LIX1L: variants seen among roughly 807,000 people sequenced by gnomAD.
LIX1L encodes the protein limb and CNS expressed 1 like.
LIX1L carries 20 observed loss-of-function variants against 34.0 expected under a neutral mutation model. The ratio of observed to expected loss-of-function variants is 0.59; its 90% CI spans 0.41 to 0.85. The LOEUF is 0.85. LIX1L is among the 40% of genes least tolerant of loss of function. LIX1L has a pLI of 0.00. For synonymous variants in LIX1L, 170 were observed against 187.4 expected, an observed-to-expected ratio of 0.91 and a Z score of 0.76; for missense variants, 397 against 447.0, an observed-to-expected ratio of 0.89 and a Z score of 1.01.
At position 145,937,593 on chromosome 1, in the gene LIX1L, T is replaced by C. The variant is rs976387713; in HGVS notation, c.693+11A>G. On this transcript the variant is annotated intron_variant, in intron 4 of 5. Coordinates refer to ENST00000604000, the MANE Select transcript of LIX1L (RefSeq NM_153713.3). Reference sequence around the variant, plus strand: ...ATGTTATTAGAACCAGGGAAGTACATGGGAAAGTACCTGGAACTCCAACAT... The same window carrying C: ...ATGTTATTAGAACCAGGGAAGTACACGGGAAAGTACCTGGAACTCCAACAT... 2.5e-6 allele frequency: 4 copies of C among 1,583,052 alleles called. No individual in the cohort carries two copies. Among genetic ancestry groups the C allele is most frequent in the Non-Finnish European group, 2.6e-6 (3 of 1,152,634 alleles).
rs1416381514 is a variant in LIX1L, at chr1:145,935,075, G to A, written c.*1235C>T. 5.3e-5 allele frequency: 8 copies of A among 150,928 alleles called. No individual in the cohort carries two copies. The highest frequency in any genetic ancestry group is 2.0e-4 in the African/African-American group (8 of 40,858). The allele number at this position is 150,928 out of a possible 1,614,324, so 9.3% of individuals were successfully genotyped here. A position where few individuals can be genotyped will look rare whatever the true frequency, so the allele number is the denominator to read the frequency against. ...CCAGCTACTCGGGAAGCTGAGGCAAGAGAATCGCTTGAACCCTGGAGGCAG... is the reference window on the plus strand; with the variant it reads ...CCAGCTACTCGGGAAGCTGAGGCAAAAGAATCGCTTGAACCCTGGAGGCAG... On this transcript the variant is annotated 3_prime_UTR_variant, in exon 6 of 6. Transcript: ENST00000604000.
At chr1:145,950,729 A>G in intron 1 of LIX1L, among the ~76,000 whole-genome samples, 2 of 152,316 alleles carry the variant, frequency 1.3e-5, no homozygotes, top group Admixed American at 1.3e-4. Context: ...AAGGAATCCC[A>G]TATCTCACCA....
intron 5 of LIX1L, 47 bp downstream of exon 5, chr1:145,936,861 G>A (rs1553757884): frequency 7.9e-7 from 1 of 1,266,856 alleles, no homozygotes. Context: ...AGAGTCCACT[G>A]ACAGATTGTG....
intron 1 of LIX1L, among the ~76,000 whole-genome samples, chr1:145,955,205 C>T (rs1274376475): frequency 3.9e-5 from 6 of 152,134 alleles, no homozygotes; most frequent in Admixed American, 1.3e-4. Flanking sequence ...ATTACAAATC[C>T]CATGCACTAC....
At chr1:145,937,171 T>G (rs11804367) in intron 4 of LIX1L, among the ~76,000 whole-genome samples, 186 bp from the exon 5 acceptor site, 1 of 81,124 alleles carries the variant, frequency 1.2e-5, no homozygotes, top group Admixed American at 1.3e-4. Context: ...TATTTATTTA[T>G]TTACTTACTT....
chr1:145,941,445 G>A (rs948655567), intron 3 of LIX1L, among the ~76,000 whole-genome samples: 2 of 151,876 alleles, frequency 1.3e-5, no homozygotes, highest in Non-Finnish European at 2.9e-5. Flanking sequence ...TAGAGATGGG[G>A]TTTTGCCATG....
At chr1:145,944,292 A>G (rs137880678) in intron 2 of LIX1L, among the ~76,000 whole-genome samples, 149 of 152,182 alleles carry the variant, frequency 9.8e-4, no homozygotes, top group Non-Finnish European at 1.8e-3. Flanking sequence ...CCTAGGAGTC[A>G]AGGGTGCAGT....
chr1:145,948,198 C>T lies in LIX1L; in HGVS notation c.293-416G>A, dbSNP rs1553759453. Among the ~76,000 whole-genome samples the T allele has an allele frequency of 6.6e-6, 1 of 152,174 alleles. No homozygotes were observed. The highest frequency in any genetic ancestry group is 2.4e-5 in the African/African-American group (1 of 41,436). ...TTAGCTGGCCCAGGATGATAATAAC[C>T]ACCACAATAAGTGCTAACATGTATT... On this transcript the variant is annotated intron_variant, in intron 1 of 5. Coordinates refer to ENST00000604000, the MANE Select transcript of LIX1L (RefSeq NM_153713.3). The surrounding 1 kb of genome is among the most constrained non-coding windows in gnomAD (Gnocchi z 4.0).
chr1:145,938,998 T>G (rs1648775680), intron 3 of LIX1L, among the ~76,000 whole-genome samples: 1 of 151,464 alleles, frequency 6.6e-6, no homozygotes, highest in Non-Finnish European at 1.5e-5. Context: ...TTTTTTTTTT[T>G]GAGACTGTGT....
At chr1:145,942,666 G>C in intron 3 of LIX1L, 47 bp downstream of exon 3, 1 of 1,590,958 alleles carries the variant, frequency 6.3e-7, no homozygotes, top group Non-Finnish European at 8.6e-7. Flanking sequence ...CAAGCAGCCA[G>C]TTCTCCCATC....
intron 3 of LIX1L, among the ~76,000 whole-genome samples, chr1:145,940,218 C>T (rs768088754): frequency 6.6e-6 from 1 of 151,136 alleles, no homozygotes; most frequent in Non-Finnish European, 1.5e-5. Context: ...CGCCCAACTC[C>T]GCCTCCTAAA....
intron 2 of LIX1L, 98 bp from the exon 3 acceptor site, chr1:145,942,951 A>T: frequency 8.5e-7 from 1 of 1,182,340 alleles, no homozygotes; most frequent in Non-Finnish European, 1.2e-6. Context: ...AAACACTTGG[A>T]CGCTCTTTGG....
At chr1:145,942,296 T>A (rs1337501190) in intron 3 of LIX1L, 1 of 155,648 alleles carries the variant, frequency 6.4e-6, no homozygotes, top group Non-Finnish European at 1.4e-5. Flanking sequence ...GTCTTCTTTA[T>A]CAATAAGATG....
chr1:145,936,295 TA>T lies in LIX1L; in HGVS notation c.*14del. 6.2e-7 allele frequency: 1 copy of T among 1,613,076 alleles called. No homozygotes were observed. The highest frequency in any genetic ancestry group is 8.5e-7 in the Non-Finnish European group (1 of 1,179,116). ...AAAGGCTGTGGAAAGCCTGGGGAGT[TA>T]TGTGGGTGGATGCCTAGCAGTTGGA... is the stretch of plus-strand genomic sequence containing the variant. On this transcript the variant is annotated 3_prime_UTR_variant, in exon 6 of 6. Transcript: ENST00000604000.
rs1159565491 is a variant in LIX1L, at chr1:145,940,542, TTTTC to T, written c.597+2167_597+2170del. Among the ~76,000 whole-genome samples the T allele has an allele frequency of 6.7e-4, 99 of 147,364 alleles. 2 individuals carry two copies. Among genetic ancestry groups the T allele is most frequent in the East Asian group, 2.2e-3 (11 of 5,106 alleles). The stretch of plus-strand genomic sequence containing the variant: ...TTGTATTTTTTCTTTTTTTTTTTCC[TTTTC>T]TTTCTTTTTTTTTTTTTTTTTGTGA... On this transcript the variant is annotated intron_variant, in intron 3 of 5. Transcript: ENST00000604000.
chr1:145,934,791 C>G lies in LIX1L; in HGVS notation c.*1519G>C, dbSNP rs1370744904. The G allele has an allele frequency of 1.3e-5, 2 of 151,240 alleles. No homozygotes were observed. Among genetic ancestry groups the G allele is most frequent in the Non-Finnish European group, 2.9e-5 (2 of 68,070 alleles). The allele number at this position is 151,240 out of a possible 1,614,324, so 9.4% of individuals were successfully genotyped here. ...CTGGGAGGCGGAGGTTGCAGTGAGC[C>G]GAGATCGCGCCACTGCACTCTAGCC... On this transcript the variant is annotated 3_prime_UTR_variant, in exon 6 of 6. Transcript: ENST00000604000.
rs184230595 is a variant in LIX1L at position 145,952,006 on chromosome 1, C to T, written c.293-4224G>A. On this transcript the variant is annotated intron_variant, in intron 1 of 5. Transcript: ENST00000604000. ...AAGAAAAAAGCAACTAATTGTGATC[C>T]GCATTTGAAAATGCTTCTAGACTTA... Among the ~76,000 whole-genome samples, 23 of 151,026 alleles carry T rather than the reference C, an allele frequency of 1.5e-4. No homozygotes were observed. The East Asian group carries it at 3.2e-3, about 21-fold the overall frequency.
At chr1:145,937,307 C>G (rs1402029834) in intron 4 of LIX1L, 5 of 232,322 alleles carry the variant, frequency 2.2e-5, no homozygotes, top group Non-Finnish European at 3.3e-5. Flanking sequence ...TCCCAAGTAG[C>G]TGGGATTACA....
intron 2 of LIX1L, chr1:145,947,329 C>T (rs1156702304): frequency 5.8e-6 from 2 of 342,190 alleles, no homozygotes; most frequent in Non-Finnish European, 5.5e-6. Flanking sequence ...AATGCAATAA[C>T]TGAAGCCAGA....
Sources: allele counts gnomAD v4.1 joint callset (sites outside exome capture counted in the v4.1 genomes callset), GRCh38; gene constraint gnomAD v4.1.1; non-coding constraint Gnocchi (gnomAD v3.1); transcripts MANE v1.5; gene names NCBI Gene and HGNC (gene_info 2026-07-23, HGNC 2026-07-21).